SUGCT: variants seen among roughly 807,000 people sequenced by gnomAD.
The protein encoded by SUGCT is succinyl-CoA:glutarate-CoA transferase.
SUGCT carries 41 observed loss-of-function variants against 55.0 expected under a neutral mutation model. The ratio of observed to expected loss-of-function variants is 0.74; its 90% confidence interval spans 0.58 to 0.97. SUGCT has a LOEUF of 0.97. Ranked by LOEUF, SUGCT falls within the 50% of genes least tolerant of loss-of-function variation. The pLI is 0.00. For missense variants in SUGCT, 568 were observed against 547.8 expected, an observed-to-expected ratio of 1.04 and a Z score of -0.37; for synonymous variants, 187 against 200.4, an observed-to-expected ratio of 0.93 and a Z score of 0.56.
At chr7:40,974,123 A>G in the SUGCT span, among the ~76,000 whole-genome samples, 1 of 152,252 alleles carries the variant, frequency 6.6e-6, no homozygotes, top group South Asian at 2.1e-4. Flanking sequence ...GGAAAAGTCC[A>G]TAGTGCCTAA....
intron 9 of SUGCT, among the ~76,000 whole-genome samples, chr7:40,375,718 A>ATTGTG (rs5883729): frequency 6.6e-6 from 1 of 151,944 alleles, no homozygotes; most frequent in Non-Finnish European, 1.5e-5. Flanking sequence ...TCAATTTATA[A>ATTGTG]TTGTCTTAAA....
chr7:40,818,385 A>G (rs1200162079), intron 13 of SUGCT, among the ~76,000 whole-genome samples: 3 of 152,228 alleles, frequency 2.0e-5, no homozygotes, highest in Non-Finnish European at 4.4e-5. Flanking sequence ...TAGCTATTGA[A>G]TCACTTGTGT....
chr7:40,415,646 AC>A (rs1786960382), intron 9 of SUGCT, among the ~76,000 whole-genome samples: 1 of 151,990 alleles, frequency 6.6e-6, no homozygotes, highest in Non-Finnish European at 1.5e-5. Context: ...ACTTATTTTC[AC>A]ATTTGTGTCT....
At chr7:40,933,603 C>T in the SUGCT span, among the ~76,000 whole-genome samples, 1 of 152,154 alleles carries the variant, frequency 6.6e-6, no homozygotes, top group Non-Finnish European at 1.5e-5. Flanking sequence ...TTCACATAAT[C>T]CCATATTTCT....
chr7:40,583,944 T>C (rs1797236173), intron 12 of SUGCT, among the ~76,000 whole-genome samples: 1 of 152,198 alleles, frequency 6.6e-6, no homozygotes, highest in Non-Finnish European at 1.5e-5. Flanking sequence ...ATGGAAAATA[T>C]TGTGTCTATG....
chr7:40,647,133 T>C (rs1473276505), intron 12 of SUGCT, among the ~76,000 whole-genome samples: 2 of 152,164 alleles, frequency 1.3e-5, no homozygotes, highest in Non-Finnish European at 2.9e-5. Context: ...CCTGTGGCCA[T>C]TTTTTACTGG....
In SUGCT at chr7:40,263,793, A is replaced by T. The variant is rs184288105; in HGVS notation, c.577-10720A>T. On this transcript the variant is annotated intron_variant, in intron 7 of 13. Transcript: ENST00000335693. ...CATTTTCCCTTGAGTTGCCTGGCTA[A>T]TATGGTGAGTCCACCTGCAATGAAG... 5.2e-4 allele frequency among the ~76,000 whole-genome samples: 79 copies of T among 152,308 alleles called. 1 individual carries two copies. The highest frequency in any genetic ancestry group is 9.8e-4 in the Admixed American group (15 of 15,290).
the SUGCT span, among the ~76,000 whole-genome samples, chr7:40,921,408 G>A: frequency 6.6e-6 from 1 of 152,144 alleles, no homozygotes; most frequent in African/African-American, 2.4e-5. Context: ...GGAATAGCAA[G>A]GGTTCTGAAA....
At chr7:40,544,340 C>G (rs976060880) in intron 12 of SUGCT, among the ~76,000 whole-genome samples, 1 of 152,020 alleles carries the variant, frequency 6.6e-6, no homozygotes, top group Non-Finnish European at 1.5e-5. Flanking sequence ...CTCACTGTGC[C>G]GCAAGTGGGT....
intron 13 of SUGCT, among the ~76,000 whole-genome samples, chr7:40,760,466 C>T (rs1430063306): frequency 6.6e-6 from 1 of 151,990 alleles, no homozygotes; most frequent in Non-Finnish European, 1.5e-5. Context: ...TTAGTGTTTA[C>T]AGAATACAGA....
the SUGCT span, among the ~76,000 whole-genome samples, chr7:41,017,661 C>T: frequency 6.6e-6 from 1 of 151,430 alleles, no homozygotes; most frequent in Non-Finnish European, 1.5e-5. Flanking sequence ...GTCCCAGCTA[C>T]TCGGGAGGCT....
intron 11 of SUGCT, among the ~76,000 whole-genome samples, chr7:40,472,860 A>G (rs1366152636): frequency 6.6e-6 from 1 of 152,158 alleles, no homozygotes; most frequent in Non-Finnish European, 1.5e-5. Context: ...CTTTGCGTGA[A>G]TATCAATGCC....
At chr7:40,766,167 T>A (rs1788778740) in intron 13 of SUGCT, among the ~76,000 whole-genome samples, 1 of 152,192 alleles carries the variant, frequency 6.6e-6, no homozygotes, top group Non-Finnish European at 1.5e-5. Context: ...TATATACAAA[T>A]CCTGTTGTCA....
intron 7 of SUGCT, among the ~76,000 whole-genome samples, chr7:40,257,734 G>A (rs925032169): frequency 4.6e-5 from 7 of 151,962 alleles, no homozygotes; most frequent in African/African-American, 1.7e-4. Flanking sequence ...AATTAGCCGG[G>A]CATGATGGTG....
chr7:40,471,397 A>G (rs1312424951), intron 11 of SUGCT, among the ~76,000 whole-genome samples: 1 of 151,918 alleles, frequency 6.6e-6, no homozygotes, highest in African/African-American at 2.4e-5. Context: ...TAAGTTATAG[A>G]GTTAAGCATC....
chr7:40,407,925 T>C (rs1786467785), intron 9 of SUGCT, among the ~76,000 whole-genome samples: 1 of 152,186 alleles, frequency 6.6e-6, no homozygotes, highest in African/African-American at 2.4e-5. Context: ...ACGTTTTCTT[T>C]AGTTCTATTT....
intron 11 of SUGCT, among the ~76,000 whole-genome samples, chr7:40,492,266 C>G (rs976033201): frequency 1.3e-5 from 2 of 151,878 alleles, no homozygotes; most frequent in Non-Finnish European, 1.5e-5. Flanking sequence ...TTAGGAATGT[C>G]TAGAAAACAA....
rs1228032295 is a variant in SUGCT, at chr7:40,345,081, C to A, written c.816+28226C>A. 2.0e-5 allele frequency among the ~76,000 whole-genome samples: 3 copies of A among 152,102 alleles called. No individual in the cohort carries two copies. The East Asian group carries it at 5.8e-4, about 29-fold the overall frequency. Reference sequence around the variant, plus strand: ...AATATTACCATATACAAATAATTAGCAGCTTTAATTGTGGTTTCTACAGAG... The same window carrying A: ...AATATTACCATATACAAATAATTAGAAGCTTTAATTGTGGTTTCTACAGAG... On this transcript the variant is annotated intron_variant, in intron 9 of 13. Coordinates refer to ENST00000335693, the MANE Select transcript of SUGCT (RefSeq NM_001193313.2).
intron 9 of SUGCT, among the ~76,000 whole-genome samples, chr7:40,439,024 A>G (rs1583677155): frequency 2.1e-5 from 3 of 140,560 alleles, no homozygotes; most frequent in Non-Finnish European, 3.0e-5. Flanking sequence ...GTGTGTGTGT[A>G]TATATAATAT....
Sources: gnomAD v4.1 joint callset for allele counts (sites outside exome capture counted in the v4.1 genomes callset) on GRCh38, gnomAD v4.1.1 for gene constraint, MANE v1.5 for transcripts, NCBI Gene and HGNC (gene_info 2026-07-23, HGNC 2026-07-21) for gene names.